Variants in SLC24A4 observed in about 807,000 individuals in gnomAD.
SLC24A4 encodes the protein sodium/potassium/calcium exchanger 4.
In SLC24A4, 53 loss-of-function variants were observed where a neutral mutation model predicts 79.0. The ratio of observed to expected loss-of-function variants is 0.67; its 90% CI spans 0.54 to 0.84. The LOEUF (loss-of-function observed/expected upper bound fraction) is 0.84. Ranked by LOEUF, SLC24A4 falls within the 40% of genes least tolerant of loss-of-function variation. The pLI is 0.00. For missense variants in SLC24A4, 731 were observed against 822.0 expected (o/e 0.89, Z 1.35); for synonymous variants, 323 against 323.8 (o/e 1.00, Z 0.03).
intron 12 of SLC24A4, among the ~76,000 whole-genome samples, chr14:92,463,354 G>A (rs1438286749): frequency 1.3e-5 from 2 of 152,194 alleles, no homozygotes; most frequent in African/African-American, 2.4e-5. Flanking sequence ...GTCTCGGCAC[G>A]TTGGTGACAG....
chr14:92,353,172 A>C lies in SLC24A4; in HGVS notation c.241+27194A>C, dbSNP rs552147837. On this transcript the variant is annotated intron_variant, in intron 2 of 16. Coordinates refer to ENST00000532405, the MANE Select transcript of SLC24A4 (RefSeq NM_153646.4). This position sits in a 1 kb window ranked among gnomAD's most constrained non-coding sequence, Gnocchi z 4.1. ...GAATATGGGCCTATGTGATGGCTCA[A>C]ATATTTCAAGCTGTCATCAGGAGCA... is the stretch of plus-strand genomic sequence containing the variant. Among the ~76,000 whole-genome samples the C allele has an allele frequency of 2.0e-5, 3 of 152,206 alleles. No individual in the cohort carries two copies. Among genetic ancestry groups the C allele is most frequent in the African/African-American group, 7.2e-5 (3 of 41,452 alleles).
chr14:92,473,160 T>TACATTTAA (rs1252407812), intron 12 of SLC24A4, among the ~76,000 whole-genome samples: 1 of 152,250 alleles, frequency 6.6e-6, no homozygotes, highest in Non-Finnish European at 1.5e-5. Context: ...AAATTCTGGC[T>TACATTTAA]ACATTTAAAA....
chr14:92,467,899 G>A (rs552004436), intron 12 of SLC24A4, among the ~76,000 whole-genome samples: 4 of 152,294 alleles, frequency 2.6e-5, no homozygotes, highest in East Asian at 1.9e-4. Flanking sequence ...CCTGCTGGAC[G>A]TAGTGCCTCG....
At chr14:92,393,545 C>CTTTTTTTT (rs5810597) in intron 2 of SLC24A4, among the ~76,000 whole-genome samples, 2 of 112,500 alleles carry the variant, frequency 1.8e-5, no homozygotes, top group Non-Finnish European at 1.7e-5. Context: ...AAGACACACT[C>CTTTTTTTT]TTTTTTTTTT....
At chr14:92,460,803 C>T (rs1371544053) in intron 12 of SLC24A4, among the ~76,000 whole-genome samples, 7 of 152,344 alleles carry the variant, frequency 4.6e-5, no homozygotes, top group South Asian at 2.1e-4. Flanking sequence ...CCACAGCCTG[C>T]TCCCTCCTCG....
intron 2 of SLC24A4, among the ~76,000 whole-genome samples, chr14:92,410,205 G>A (rs558574662): frequency 3.9e-5 from 6 of 152,252 alleles, no homozygotes; most frequent in African/African-American, 1.4e-4. Context: ...AAAGAGAGAT[G>A]AGGTCTCACT....
intron 2 of SLC24A4, among the ~76,000 whole-genome samples, chr14:92,423,667 T>C (rs1262590657): frequency 6.6e-6 from 1 of 152,192 alleles, no homozygotes; most frequent in Non-Finnish European, 1.5e-5. Flanking sequence ...GAGTTTACTA[T>C]AGCAAGGGAG....
intron 2 of SLC24A4, among the ~76,000 whole-genome samples, chr14:92,350,871 T>C (rs541683527): frequency 6.6e-6 from 1 of 152,226 alleles, no homozygotes; most frequent in East Asian, 1.9e-4. Context: ...CAGGAGGTGA[T>C]TGGGTCATGA....
At chr14:92,368,439 G>A (rs971694262) in intron 2 of SLC24A4, among the ~76,000 whole-genome samples, 2 of 152,088 alleles carry the variant, frequency 1.3e-5, no homozygotes, top group African/African-American at 4.8e-5. Flanking sequence ...TGGAAGGAGG[G>A]TTCCCTCTGA....
intron 2 of SLC24A4, among the ~76,000 whole-genome samples, chr14:92,358,661 C>T (rs1026900424): frequency 1.3e-5 from 2 of 151,432 alleles, no homozygotes; most frequent in Non-Finnish European, 2.9e-5. Context: ...ACCTATCTGA[C>T]TCATCTACTG....
intron 12 of SLC24A4, among the ~76,000 whole-genome samples, chr14:92,469,956 C>T (rs191639313): frequency 1.1e-4 from 16 of 152,226 alleles, no homozygotes; most frequent in East Asian, 7.7e-4. Flanking sequence ...TCCACTGGGG[C>T]GATGAAAATC....
At chr14:92,463,320 G>A (rs1444368070) in intron 12 of SLC24A4, among the ~76,000 whole-genome samples, 1 of 152,126 alleles carries the variant, frequency 6.6e-6, no homozygotes, top group Non-Finnish European at 1.5e-5. Flanking sequence ...TTAACACTCC[G>A]CCTTCCTGTC....
chr14:92,465,112 T>G (rs560321106), intron 12 of SLC24A4, among the ~76,000 whole-genome samples: 1 of 152,372 alleles, frequency 6.6e-6, no homozygotes, highest in South Asian at 2.1e-4. Flanking sequence ...GTCTCTCTGA[T>G]GCAGCCTCGA....
In SLC24A4 at chr14:92,500,699, G is replaced by T. The variant is rs1896127132; in HGVS notation, c.*7071G>T. ...TGAGCCACTGTGGCCAACTCTTGGG[G>T]AGCTCCACAGTGGGGGTTGCTGGTC... On this transcript the variant is annotated 3_prime_UTR_variant, in exon 17 of 17. Transcript: ENST00000532405. 1 of 152,348 alleles carries T rather than the reference G, an allele frequency of 6.6e-6. No individual in the cohort carries two copies. The highest frequency in any genetic ancestry group is 6.5e-5 in the Admixed American group (1 of 15,282). 9.4% of individuals were successfully genotyped at this position (152,348 alleles called of 1,614,324 possible).
Position 92,404,791 on chromosome 14 carries a change from G to A in SLC24A4, c.242-29121G>A, listed in dbSNP as rs531038410. Among the ~76,000 whole-genome samples the A allele has an allele frequency of 1.8e-4, 28 of 152,062 alleles. No homozygotes were observed. In the South Asian group the frequency reaches 3.7e-3, roughly 20 times the overall value. On this transcript the variant is annotated intron_variant, in intron 2 of 16. Coordinates refer to ENST00000532405, the MANE Select transcript of SLC24A4 (RefSeq NM_153646.4). ...CAGAATGGATCTTAAATATTTGTACGTTCTCTCCACTCCCACCCCTTACTT... is the reference window on the plus strand; with the variant it reads ...CAGAATGGATCTTAAATATTTGTACATTCTCTCCACTCCCACCCCTTACTT...
chr14:92,469,092 T>C (rs971542374), intron 12 of SLC24A4, among the ~76,000 whole-genome samples: 28 of 152,086 alleles, frequency 1.8e-4, no homozygotes, highest in African/African-American at 6.3e-4. Context: ...AAATGAGATA[T>C]CATGATGAGA....
chr14:92,369,763 T>G (rs1477552440), intron 2 of SLC24A4, among the ~76,000 whole-genome samples: 2 of 152,202 alleles, frequency 1.3e-5, no homozygotes, highest in African/African-American at 2.4e-5. Context: ...GCAGTATCCC[T>G]GGCTCCTACC....
chr14:92,356,093 G>C (rs909131728), intron 2 of SLC24A4, among the ~76,000 whole-genome samples: 8 of 152,250 alleles, frequency 5.3e-5, no homozygotes, highest in African/African-American at 1.9e-4. Context: ...AATCACATGA[G>C]AGAGTCAACA....
chr14:92,492,314 T>C (rs1360443978), intron 16 of SLC24A4, 74 bp downstream of exon 16: 1 of 1,425,692 alleles, frequency 7.0e-7, no homozygotes, highest in Non-Finnish European at 9.9e-7. Context: ...GTCACTTACG[T>C]GACTCTGTAC....
Sources: gnomAD v4.1 joint callset for allele counts (sites outside exome capture counted in the v4.1 genomes callset) on GRCh38, gnomAD v4.1.1 for gene constraint, Gnocchi (gnomAD v3.1) non-coding constraint, MANE v1.5 for transcripts, NCBI Gene and HGNC (gene_info 2026-07-23, HGNC 2026-07-21) for gene names.